SLC45A1: variants seen among roughly 807,000 people sequenced by gnomAD.
SLC45A1 encodes proton-associated sugar transporter A.
Under a neutral mutation model 57.6 loss-of-function variants are expected in SLC45A1, and 28 were observed. The observed-to-expected ratio is 0.49, with a 90% CI of 0.36 to 0.67. The LOEUF is 0.67. Ranked by LOEUF, SLC45A1 falls within the 30% of genes least tolerant of loss-of-function variation. The probability of loss-of-function intolerance (pLI) is 0.00; values close to 1 mark genes in which losing one functional copy is unlikely to be tolerated. For synonymous variants in SLC45A1, 459 were observed against 471.5 expected, an observed-to-expected ratio of 0.97 and a Z score of 0.34; for missense variants, 814 against 1,041.5, an observed-to-expected ratio of 0.78 and a Z score of 3.01.
At position 8,335,496 on chromosome 1, in the gene SLC45A1, G is replaced by A; in HGVS notation, c.1503G>A (p.Glu501=). The A allele has an allele frequency of 6.2e-7, 1 of 1,602,764 alleles. No individual in the cohort carries two copies. Among genetic ancestry groups the A allele is most frequent in the Non-Finnish European group, 8.5e-7 (1 of 1,179,638 alleles). The change falls in exon 6 of 9, where the codon GAG becomes GAA. Residue 501 remains glutamate (E), a synonymous_variant. Transcript: ENST00000471889. The surrounding 1 kb of genome is among the most constrained non-coding windows in gnomAD (Gnocchi z 4.1). ...KYESELTGSS[E]RAEQPLSVGR... is the part of the protein sequence containing the mutation. ...AGAGCGAGCTGACGGGCTCCAGCGA[G>A]CGCGCGGAGCAGCCTCTGTCCGTGG...
rs1483295531 is a variant in SLC45A1, at chr1:8,328,742, G to A, written c.716-1467G>A. 1.3e-5 allele frequency among the ~76,000 whole-genome samples: 2 copies of A among 152,236 alleles called. No individual in the cohort carries two copies. The highest frequency in any genetic ancestry group is 6.5e-5 in the Admixed American group (1 of 15,284). Reference sequence around the variant, plus strand: ...TAATCCCAGCTACTCGGGAGGCTGAGGCAGGAGAATCACTTGAGCCCAGGA... The same window carrying A: ...TAATCCCAGCTACTCGGGAGGCTGAAGCAGGAGAATCACTTGAGCCCAGGA... On this transcript the variant is annotated intron_variant, in intron 4 of 8. Transcript: ENST00000471889. The surrounding 1 kb of genome is among the most constrained non-coding windows in gnomAD (Gnocchi z 4.6).
chr1:8,342,172 A>C (rs1408407836), intron 8 of SLC45A1, among the ~76,000 whole-genome samples: 3 of 152,208 alleles, frequency 2.0e-5, no homozygotes, highest in Admixed American at 2.0e-4. Context: ...GTGCCACTGC[A>C]CTCCAGCCTG....
rs771593140 is a variant in SLC45A1, at chr1:8,343,719, C to T, written c.1981-28C>T. ...ACCCCGTGCTGGCCGCGGCGTGTCT[C>T]GCTGACACGTTTCTTCCTCTGGGTC... On this transcript the variant is annotated intron_variant, in intron 8 of 8. Coordinates refer to ENST00000471889, the MANE Select transcript of SLC45A1 (RefSeq NM_001080397.3). This position sits in a 1 kb window ranked among gnomAD's most constrained non-coding sequence, Gnocchi z 7.7. 1.8e-5 allele frequency: 29 copies of T among 1,592,296 alleles called. No individual in the cohort carries two copies. The highest frequency in any genetic ancestry group is 1.3e-4 in the African/African-American group (10 of 74,698).
intron 6 of SLC45A1, among the ~76,000 whole-genome samples, chr1:8,336,795 G>A (rs888737655): frequency 6.6e-6 from 1 of 152,158 alleles, no homozygotes. Flanking sequence ...ATTATGGTTC[G>A]AGAGGGCCTA....
At position 8,325,240 on chromosome 1, in the gene SLC45A1, C is replaced by A; in HGVS notation, c.398-58C>A. On this transcript the variant is annotated intron_variant, in intron 2 of 8. Coordinates refer to ENST00000471889, the MANE Select transcript of SLC45A1 (RefSeq NM_001080397.3). This position sits in a 1 kb window ranked among gnomAD's most constrained non-coding sequence, Gnocchi z 6.3. ...CACTTCAGGAATGTGGAGGCTGATT[C>A]GATGTCCCCATGTGCCATGGGGACC... 9.1e-7 allele frequency: 1 copy of A among 1,101,744 alleles called. No individual in the cohort carries two copies. The highest frequency in any genetic ancestry group is 1.4e-6 in the Non-Finnish European group (1 of 722,674). The allele number at this position is 1,101,744 out of a possible 1,614,324, so 68.2% of individuals were successfully genotyped here.
intron 1 of SLC45A1, among the ~76,000 whole-genome samples, chr1:8,320,344 CAA>C (rs1639963544): frequency 6.6e-6 from 1 of 152,072 alleles, no homozygotes; most frequent in Admixed American, 6.5e-5. Context: ...CTCCTCTTTT[CAA>C]AAAGACACTT....
chr1:8,337,798 C>T lies in SLC45A1; in HGVS notation c.1598-18C>T. ...TGGCCTTTGCCCCCGAGGTCATGAA[C>T]CTCTTTCTTTCTTCCAGGGTGGCTC... On this transcript the variant is annotated intron_variant, in intron 6 of 8. Coordinates refer to ENST00000471889, the MANE Select transcript of SLC45A1 (RefSeq NM_001080397.3). 2 of 1,609,550 alleles carry T rather than the reference C, an allele frequency of 1.2e-6. No individual in the cohort carries two copies. Among genetic ancestry groups the T allele is most frequent in the South Asian group, 1.1e-5 (1 of 90,586 alleles).
intron 1 of SLC45A1, among the ~76,000 whole-genome samples, chr1:8,319,107 C>T (rs936080896): frequency 3.3e-5 from 5 of 152,104 alleles, no homozygotes; most frequent in African/African-American, 1.2e-4. Context: ...ATGGTGAAAC[C>T]CCATCTCTAC....
At chr1:8,322,014 GAT>G (rs1640025769) in intron 1 of SLC45A1, among the ~76,000 whole-genome samples, 1 of 72,286 alleles carries the variant, frequency 1.4e-5, no homozygotes, top group Non-Finnish European at 2.9e-5. Flanking sequence ...TGGATGGATG[GAT>G]GGATGGATGG....
intron 1 of SLC45A1, among the ~76,000 whole-genome samples, chr1:8,319,057 G>C (rs1639910522): frequency 1.3e-5 from 2 of 152,222 alleles, no homozygotes; most frequent in African/African-American, 4.8e-5. Context: ...GAGTCGGGTG[G>C]ATCACCTGAG....
chr1:8,326,434 G>A lies in SLC45A1; in HGVS notation c.715+392G>A, dbSNP rs1640206327. ...CATCAACGGATCAACACATAACCTT[G>A]TTGTATGTGTTTCTGTTTAAAACCC... On this transcript the variant is annotated intron_variant, in intron 4 of 8. Coordinates refer to ENST00000471889, the MANE Select transcript of SLC45A1 (RefSeq NM_001080397.3). The surrounding 1 kb of genome is among the most constrained non-coding windows in gnomAD (Gnocchi z 5.5). 6.6e-6 allele frequency among the ~76,000 whole-genome samples: 1 copy of A among 152,188 alleles called. No homozygotes were observed. Among genetic ancestry groups the A allele is most frequent in the South Asian group, 2.1e-4 (1 of 4,836 alleles).
chr1:8,324,328 C>G lies in SLC45A1; in HGVS notation c.-2C>G. On this transcript the variant is annotated 5_prime_UTR_variant, in exon 2 of 9. Coordinates refer to ENST00000471889, the MANE Select transcript of SLC45A1 (RefSeq NM_001080397.3). ...CAGGGACGCCCACCAGCCCTCCCCA[C>G]GATGATCCCCGCAGCCAGCAGCACC... The G allele has an allele frequency of 1.9e-6, 3 of 1,610,970 alleles. No homozygotes were observed. Among genetic ancestry groups the G allele is most frequent in the Non-Finnish European group, 2.5e-6 (3 of 1,178,746 alleles).
Position 8,343,780 on chromosome 1 carries a change from G to A in SLC45A1, c.2014G>A (p.Gly672Ser), listed in dbSNP as rs146623737. Residue 672 changes from glycine (G) to serine (S), a missense_variant, in exon 9 of 9, where the codon GGC becomes AGC. By Grantham distance (56) the Gly-to-Ser change is moderately conservative (BLOSUM62 0). Transcript: ENST00000471889. The surrounding 1 kb of genome is among the most constrained non-coding windows in gnomAD (Gnocchi z 7.7). ...AGSSADGTRR[G>S]MGVDISLLSC... is the part of the protein sequence containing the mutation. ...GTCCAGTGCGGACGGCACCCGGCGGGGCATGGGCGTGGACATCTCTCTGCT... is the reference window on the plus strand; with the variant it reads ...GTCCAGTGCGGACGGCACCCGGCGGAGCATGGGCGTGGACATCTCTCTGCT... 7.0e-5 allele frequency: 113 copies of A among 1,613,910 alleles called. No individual in the cohort carries two copies. The African/African-American group carries it at 1.1e-3, about 15-fold the overall frequency.
In SLC45A1 at chr1:8,325,791, G is replaced by T. The variant is rs761928794; in HGVS notation, c.491-27G>T. 70 of 1,601,418 alleles carry T rather than the reference G, an allele frequency of 4.4e-5. No individual in the cohort carries two copies. Among genetic ancestry groups the T allele is most frequent in the South Asian group, 8.8e-5 (8 of 90,838 alleles). ...GGACAGAGCTGGTCTGCATTTTCTT[G>T]GGGTGACTTTGTTTCTCTGTGTCCA... On this transcript the variant is annotated intron_variant, in intron 3 of 8. Transcript: ENST00000471889. This position sits in a 1 kb window ranked among gnomAD's most constrained non-coding sequence, Gnocchi z 6.3.
intron 1 of SLC45A1, among the ~76,000 whole-genome samples, 169 bp from the exon 2 acceptor site, chr1:8,324,137 A>T (rs1044906849): frequency 6.6e-6 from 1 of 152,148 alleles, no homozygotes; most frequent in Non-Finnish European, 1.5e-5. Context: ...CTCCTGGGGC[A>T]GAGGAGCTGC....
chr1:8,341,251 A>G (rs567076793), intron 8 of SLC45A1, among the ~76,000 whole-genome samples: 155 of 150,650 alleles, frequency 1.0e-3, no homozygotes, highest in Non-Finnish European at 2.0e-3. Context: ...ATTTCACTTC[A>G]CAGCCGGGTG....
Position 8,330,040 on chromosome 1 carries a change from C to A in SLC45A1, c.716-169C>A. On this transcript the variant is annotated intron_variant, in intron 4 of 8. Transcript: ENST00000471889. The surrounding 1 kb of genome is among the most constrained non-coding windows in gnomAD (Gnocchi z 8.4). ...ACAGGAGGGGGACCTCCTCAAGGGG[C>A]CCGCCCTGGGAATCCTGTCCCATTT... 1 of 818,666 alleles carries A rather than the reference C, an allele frequency of 1.2e-6. No homozygotes were observed. The highest frequency in any genetic ancestry group is 1.9e-6 in the Non-Finnish European group (1 of 528,016). 50.7% of individuals were successfully genotyped at this position (818,666 alleles called of 1,614,324 possible).
intron 7 of SLC45A1, 33 bp downstream of exon 7, chr1:8,338,025 G>A: frequency 1.2e-6 from 2 of 1,604,174 alleles, no homozygotes; most frequent in Non-Finnish European, 1.7e-6. Context: ...GCACGGCAGT[G>A]AGAGCTTTGG....
Position 8,335,205 on chromosome 1 carries a change from C to T in SLC45A1, c.1444-232C>T, listed in dbSNP as rs951226555. 4.6e-5 allele frequency among the ~76,000 whole-genome samples: 7 copies of T among 152,224 alleles called. No individual in the cohort carries two copies. The highest frequency in any genetic ancestry group is 1.7e-4 in the African/African-American group (7 of 41,460). ...TAGTGTCCTGTGGCCACACTGTGGG[C>T]ACACCTGAAATGGAATTCTAGCCTT... On this transcript the variant is annotated intron_variant, in intron 5 of 8. Transcript: ENST00000471889. The surrounding 1 kb of genome is among the most constrained non-coding windows in gnomAD (Gnocchi z 4.1).
Sources: gnomAD v4.1 joint callset for allele counts (sites outside exome capture counted in the v4.1 genomes callset) on GRCh38, gnomAD v4.1.1 for gene constraint, Gnocchi (gnomAD v3.1) non-coding constraint, MANE v1.5 for transcripts, NCBI Gene and HGNC (gene_info 2026-07-23, HGNC 2026-07-21) for gene names.